Variants in ANKRD30B observed in about 807,000 individuals in gnomAD.
ANKRD30B encodes ankyrin repeat domain 30B.
In ANKRD30B, 144 loss-of-function variants were observed where a neutral mutation model predicts 202.2. The observed-to-expected ratio is 0.71, with a 90% CI of 0.62 to 0.82. ANKRD30B has a LOEUF of 0.82. ANKRD30B is among the 40% of genes least tolerant of loss of function. The pLI is 0.00. For synonymous variants in ANKRD30B, 508 were observed against 561.3 expected, an observed-to-expected ratio of 0.91 and a Z score of 1.34; for missense variants, 1,487 against 1,669.1, an observed-to-expected ratio of 0.89 and a Z score of 1.90.
chr18:14,796,177 T>A (rs753462531), intron 16 of ANKRD30B, 44 bp from the exon 17 acceptor site: 9 of 1,544,742 alleles, frequency 5.8e-6, no homozygotes, highest in Non-Finnish European at 8.1e-6. Flanking sequence ...GTAGGCTTTG[T>A]CAGGCTTGCA....
At chr18:14,778,997 G>A (rs954266651) in intron 10 of ANKRD30B, among the ~76,000 whole-genome samples, 4 of 152,098 alleles carry the variant, frequency 2.6e-5, no homozygotes, top group African/African-American at 9.7e-5. Flanking sequence ...AAAAAGTGTT[G>A]GGAAAATTGA....
At chr18:14,850,134 C>T in intron 40 of ANKRD30B, 80 bp from the exon 41 acceptor site, 1 of 959,568 alleles carries the variant, frequency 1.0e-6, no homozygotes, top group Non-Finnish European at 1.4e-6. Flanking sequence ...AATAATAAAC[C>T]AGTATAGGAA....
chr18:14,795,479 G>A (rs1968812374), intron 16 of ANKRD30B, among the ~76,000 whole-genome samples: 2 of 152,200 alleles, frequency 1.3e-5, no homozygotes, highest in African/African-American at 4.8e-5. Flanking sequence ...TTACAGGCAT[G>A]AGCCATGCCA....
chr18:14,791,693 A>T (rs1568015771), intron 16 of ANKRD30B, among the ~76,000 whole-genome samples: 4 of 152,168 alleles, frequency 2.6e-5, no homozygotes, highest in Admixed American at 2.0e-4. Context: ...GAACTGAATT[A>T]TTAGTTTGAA....
At chr18:14,863,563 T>A in the ANKRD30B span, among the ~76,000 whole-genome samples, 969 of 152,180 alleles carry the variant, frequency 6.4e-3, 10 homozygotes, top group African/African-American at 0.022. Context: ...CTCTATAAAT[T>A]TAAAAAAAAT....
chr18:14,805,017 C>A (rs1969418376), intron 24 of ANKRD30B, among the ~76,000 whole-genome samples: 3 of 150,510 alleles, frequency 2.0e-5, no homozygotes, highest in African/African-American at 7.4e-5. Flanking sequence ...TAGAATAGGA[C>A]TAAACCTCAG....
the ANKRD30B span, among the ~76,000 whole-genome samples, chr18:14,894,740 C>A: frequency 6.6e-6 from 1 of 151,036 alleles, no homozygotes; most frequent in Admixed American, 6.6e-5. Context: ...AAATCTTAAC[C>A]ATTATATATT....
chr18:14,778,145 C>T, intron 10 of ANKRD30B, 70 bp downstream of exon 10: 1 of 978,684 alleles, frequency 1.0e-6, no homozygotes, highest in East Asian at 2.7e-5. Flanking sequence ...GACTGATATA[C>T]TCTGACAGCC....
chr18:14,873,354 T>C, the ANKRD30B span, among the ~76,000 whole-genome samples: 2 of 151,834 alleles, frequency 1.3e-5, no homozygotes, highest in Non-Finnish European at 2.9e-5. Context: ...TGAAACTCCA[T>C]CTCTACTAAA....
chr18:14,795,163 A>G (rs1371480087), intron 16 of ANKRD30B, among the ~76,000 whole-genome samples: 3 of 152,254 alleles, frequency 2.0e-5, no homozygotes, highest in South Asian at 2.1e-4. Flanking sequence ...AAGTCTCTGG[A>G]AATTGACATC....
At chr18:14,795,996 AT>A (rs1373211178) in intron 16 of ANKRD30B, among the ~76,000 whole-genome samples, 2 of 152,054 alleles carry the variant, frequency 1.3e-5, no homozygotes, top group Non-Finnish European at 2.9e-5. Flanking sequence ...GATTGTTAAA[AT>A]CTCCATAGCA....
At chr18:14,852,517 G>C in intron 42 of ANKRD30B, 97 bp downstream of exon 42, 1 of 1,351,348 alleles carries the variant, frequency 7.4e-7, no homozygotes, top group Admixed American at 3.3e-5. Context: ...TATATAAATA[G>C]ATGATAAATG....
chr18:14,764,305 CTA>C, intron 7 of ANKRD30B, among the ~76,000 whole-genome samples: 1 of 152,172 alleles, frequency 6.6e-6, no homozygotes, highest in East Asian at 1.9e-4. Context: ...GATGAACTAA[CTA>C]ACAGTGGCTA....
chr18:14,817,916 A>G (rs1970201298), intron 30 of ANKRD30B, among the ~76,000 whole-genome samples: 1 of 152,154 alleles, frequency 6.6e-6, no homozygotes, highest in South Asian at 2.1e-4. Context: ...ATTTAGCCTT[A>G]AAATGCTTGG....
chr18:14,824,066 T>C (rs1970566651), intron 32 of ANKRD30B, among the ~76,000 whole-genome samples: 1 of 151,962 alleles, frequency 6.6e-6, no homozygotes, highest in Non-Finnish European at 1.5e-5. Context: ...TGTCTTAAAT[T>C]TTCAATAAAT....
chr18:14,826,693 T>TCTCTCTCACACACACA (rs762792279), intron 32 of ANKRD30B, among the ~76,000 whole-genome samples: 21 of 125,042 alleles, frequency 1.7e-4, no homozygotes, highest in African/African-American at 5.8e-4. Context: ...TCTCTCTCTC[T>TCTCTCTCACACACACA]CACACACACA....
At chr18:14,868,199 G>C in the ANKRD30B span, among the ~76,000 whole-genome samples, 2 of 152,306 alleles carry the variant, frequency 1.3e-5, no homozygotes. Flanking sequence ...GGGCCAGGAA[G>C]GGGGAGTAGG....
the ANKRD30B span, among the ~76,000 whole-genome samples, chr18:14,903,973 C>T: frequency 1.3e-5 from 2 of 152,194 alleles, no homozygotes; most frequent in African/African-American, 4.8e-5. Context: ...CCCTGGCCCC[C>T]AATCATTAGA....
At chr18:14,916,795 G>T in the ANKRD30B span, among the ~76,000 whole-genome samples, 1 of 152,180 alleles carries the variant, frequency 6.6e-6, no homozygotes, top group South Asian at 2.1e-4. Context: ...CCGACCCTGG[G>T]TGTTACTTGA....
Sources: gnomAD v4.1 joint callset for allele counts (sites outside exome capture counted in the v4.1 genomes callset) on GRCh38, gnomAD v4.1.1 for gene constraint, MANE v1.5 for transcripts, NCBI Gene and HGNC (gene_info 2026-07-23, HGNC 2026-07-21) for gene names.